HIVEP2: variants seen among roughly 807,000 people sequenced by gnomAD.
HIVEP2 encodes HIVEP zinc finger 2, also known as transcription factor HIVEP2.
HIVEP2 carries 14 observed loss-of-function variants against 180.7 expected under a neutral mutation model. The ratio of observed to expected loss-of-function variants is 0.08; its 90% CI spans 0.05 to 0.12. The LOEUF is 0.12. Among genes scored for constraint, HIVEP2 ranks in the 10% least tolerant of loss-of-function variants. HIVEP2 has a pLI of 1.00. For synonymous variants in HIVEP2, 1,184 were observed against 1,136.4 expected, an observed-to-expected ratio of 1.04 and a Z score of -0.84; for missense variants, 2,579 against 3,008.5, an observed-to-expected ratio of 0.86 and a Z score of 3.34.
chr6:142,851,631 T>A (rs567138964), intron 1 of HIVEP2, among the ~76,000 whole-genome samples: 2 of 151,610 alleles, frequency 1.3e-5, no homozygotes, highest in East Asian at 1.9e-4. Context: ...CTGGAGAGAG[T>A]TTTTTAATCC....
chr6:142,815,426 G>A (rs2114808820), intron 2 of HIVEP2, among the ~76,000 whole-genome samples: 1 of 152,206 alleles, frequency 6.6e-6, no homozygotes, highest in African/African-American at 2.4e-5. Context: ...CAATAGAAAA[G>A]TCACATTAAA....
At chr6:142,797,511 T>C (rs1776306112) in intron 2 of HIVEP2, among the ~76,000 whole-genome samples, 1 of 152,164 alleles carries the variant, frequency 6.6e-6, no homozygotes, top group Non-Finnish European at 1.5e-5. Flanking sequence ...CTATTCTTCT[T>C]GAATAACAGT....
In HIVEP2 at chr6:142,770,514, C is replaced by T; in HGVS notation, c.4225G>A (p.Ala1409Thr). ...AAGCCGAGGGGCAAAGTCTGAGGTG[C>T]TTTCCAAATGGGGTACTTCTCCAAG... is the stretch of plus-strand genomic sequence containing the variant. ...AGLEKYPIWK[A>T]PQTLPLGLES... is the part of the protein sequence containing the mutation. Residue 1409 changes from alanine to threonine, a missense_variant, in exon 5 of 10, where the codon GCA becomes ACA. Ala to Thr is a moderately conservative substitution (Grantham distance 58). This residue lies in a region of HIVEP2 where 523 missense variants were observed against 577.0 expected (regional missense o/e 0.91). Coordinates refer to ENST00000367603, the MANE Select transcript of HIVEP2 (RefSeq NM_006734.4). The surrounding 1 kb of genome is among the most constrained non-coding windows in gnomAD (Gnocchi z 4.7). The T allele has an allele frequency of 6.2e-7, 1 of 1,614,180 alleles. No homozygotes were observed. The highest frequency in any genetic ancestry group is 8.5e-7 in the Non-Finnish European group (1 of 1,180,040).
At chr6:142,905,484 T>C (rs1275098969) in intron 1 of HIVEP2, among the ~76,000 whole-genome samples, 1 of 152,180 alleles carries the variant, frequency 6.6e-6, no homozygotes, top group Non-Finnish European at 1.5e-5. Flanking sequence ...CACTGGAAAG[T>C]AGTGTTACAA....
chr6:142,875,330 G>A (rs139886117), intron 1 of HIVEP2, among the ~76,000 whole-genome samples: 46 of 152,276 alleles, frequency 3.0e-4, no homozygotes, highest in African/African-American at 1.1e-3. Flanking sequence ...AACCTATCTG[G>A]GAATGGGGTG....
At chr6:142,820,087 T>A (rs1776985901) in intron 2 of HIVEP2, among the ~76,000 whole-genome samples, 1 of 152,180 alleles carries the variant, frequency 6.6e-6, no homozygotes, top group African/African-American at 2.4e-5. Context: ...GGAACATACA[T>A]CATACCACTT....
intron 1 of HIVEP2, among the ~76,000 whole-genome samples, chr6:142,868,972 A>G (rs979691467): frequency 2.6e-5 from 4 of 152,196 alleles, no homozygotes; most frequent in African/African-American, 9.6e-5. Context: ...GGTTAGGTAG[A>G]AGATTTAAAT....
chr6:142,762,705 T>C (rs940489117), intron 7 of HIVEP2, among the ~76,000 whole-genome samples: 1 of 152,302 alleles, frequency 6.6e-6, no homozygotes, highest in Admixed American at 6.5e-5. Flanking sequence ...ATTCCTCTGG[T>C]AGGGGTGTTC....
At chr6:142,810,932 T>C (rs1336246388) in intron 2 of HIVEP2, among the ~76,000 whole-genome samples, 3 of 152,058 alleles carry the variant, frequency 2.0e-5, no homozygotes, top group African/African-American at 7.2e-5. Context: ...TCCTCAACAT[T>C]AAATATTCAA....
chr6:142,918,617 C>G (rs1777617679), intron 1 of HIVEP2, among the ~76,000 whole-genome samples: 1 of 152,084 alleles, frequency 6.6e-6, no homozygotes, highest in African/African-American at 2.4e-5. Context: ...AACGTGATAC[C>G]CTGAAGCACA....
At chr6:142,800,707 A>C (rs1776383225) in intron 2 of HIVEP2, among the ~76,000 whole-genome samples, 1 of 152,126 alleles carries the variant, frequency 6.6e-6, no homozygotes, top group African/African-American at 2.4e-5. Context: ...GCTTAGGAGG[A>C]GGAATCCCTC....
At chr6:142,791,487 A>G (rs1040860986) in intron 2 of HIVEP2, among the ~76,000 whole-genome samples, 2 of 152,188 alleles carry the variant, frequency 1.3e-5, no homozygotes, top group Non-Finnish European at 2.9e-5. Context: ...ATCTCAGAAT[A>G]TATCATTGCC....
chr6:142,860,099 T>G (rs1668388389), intron 1 of HIVEP2, among the ~76,000 whole-genome samples: 1 of 152,010 alleles, frequency 6.6e-6, no homozygotes, highest in Non-Finnish European at 1.5e-5. Flanking sequence ...CTCTATCCCC[T>G]CGGACCTCCA....
intron 1 of HIVEP2, among the ~76,000 whole-genome samples, chr6:142,937,690 C>T (rs1217788917): frequency 2.6e-5 from 4 of 152,122 alleles, no homozygotes; most frequent in East Asian, 1.9e-4. Context: ...GCTTATACTG[C>T]GTGAAATGGT....
intron 1 of HIVEP2, among the ~76,000 whole-genome samples, chr6:142,858,783 G>A (rs1200463138): frequency 7.9e-5 from 12 of 151,746 alleles, no homozygotes; most frequent in East Asian, 3.9e-4. Context: ...TAGTAGACAC[G>A]GGGTTTCACC....
intron 2 of HIVEP2, among the ~76,000 whole-genome samples, chr6:142,788,608 G>A (rs771733283): frequency 1.3e-5 from 2 of 152,132 alleles, no homozygotes; most frequent in Non-Finnish European, 2.9e-5. Flanking sequence ...AACTACTCAG[G>A]AGGCTGAGGC....
chr6:142,926,558 C>T (rs187668166), intron 1 of HIVEP2, among the ~76,000 whole-genome samples: 1 of 152,362 alleles, frequency 6.6e-6, no homozygotes, highest in East Asian at 1.9e-4. Flanking sequence ...GGACTCAGGC[C>T]TCCTGAGGTC....
chr6:142,841,722 G>T (rs1162814099), intron 1 of HIVEP2, among the ~76,000 whole-genome samples: 1 of 151,888 alleles, frequency 6.6e-6, no homozygotes. Flanking sequence ...TCAACATTTT[G>T]TTGTCCCATG....
chr6:142,785,381 C>T (rs1775975052), intron 2 of HIVEP2, among the ~76,000 whole-genome samples: 1 of 136,270 alleles, frequency 7.3e-6, no homozygotes, highest in East Asian at 2.4e-4. Context: ...TTTTGTACTC[C>T]AAGCAAAATG....
Sources: gnomAD v4.1 joint callset for allele counts (sites outside exome capture counted in the v4.1 genomes callset) on GRCh38, gnomAD v4.1.1 for gene constraint, gnomAD v4.1.1 regional missense constraint, Gnocchi (gnomAD v3.1) non-coding constraint, MANE v1.5 for transcripts, NCBI Gene and HGNC (gene_info 2026-07-23, HGNC 2026-07-21) for gene names.